The following FRK variants were observed in gnomAD, a reference collection of about 807,000 sequenced individuals.
FRK encodes tyrosine-protein kinase FRK.
In FRK, 51 loss-of-function variants were observed where a neutral mutation model predicts 56.4. The observed-to-expected ratio is 0.90, with a 90% confidence interval of 0.72 to 1.14. The LOEUF (loss-of-function observed/expected upper bound fraction) is 1.14. FRK is among the 50% of genes most tolerant of loss of function. The pLI is 0.00. For synonymous variants in FRK, 245 were observed against 217.9 expected, an observed-to-expected ratio of 1.12 and a Z score of -1.10; for missense variants, 570 against 601.4, an observed-to-expected ratio of 0.95 and a Z score of 0.55.
At chr6:116,088,305 T>C in the FRK span, among the ~76,000 whole-genome samples, 1 of 152,160 alleles carries the variant, frequency 6.6e-6, no homozygotes, top group African/African-American at 2.4e-5. Flanking sequence ...TGAGAAATTA[T>C]AAATTTTCTG....
intron 1 of FRK, among the ~76,000 whole-genome samples, chr6:116,020,989 G>A (rs1775854927): frequency 6.6e-6 from 1 of 152,026 alleles, no homozygotes; most frequent in Non-Finnish European, 1.5e-5. Flanking sequence ...TAAAAAAAAG[G>A]ACTAATAAAA....
chr6:115,934,459 C>G lies in FRK; in HGVS notation c.*7955G>C, dbSNP rs779221696. The G allele has an allele frequency of 6.6e-6, 1 of 152,158 alleles. No homozygotes were observed. Among genetic ancestry groups the G allele is most frequent in the Non-Finnish European group, 1.5e-5 (1 of 68,032 alleles). The allele number at this position is 152,158 out of a possible 1,614,324, so 9.4% of individuals were successfully genotyped here. On this transcript the variant is annotated 3_prime_UTR_variant, in exon 8 of 8. Transcript: ENST00000606080. Reference sequence around the variant, plus strand: ...CTCTTGCCAGATGAGGAGAAGAGAACGCGGAACCCCAGTTTTGCCATTGAT... The same window carrying G: ...CTCTTGCCAGATGAGGAGAAGAGAAGGCGGAACCCCAGTTTTGCCATTGAT...
In FRK at chr6:115,933,521, G is replaced by A. The variant is rs1771992743; in HGVS notation, c.*8893C>T. The stretch of plus-strand genomic sequence containing the variant: ...GAACCTTGAACATAAATGTCCCCAA[G>A]AATCAAACACAGTAAGTTAAACGGG... On this transcript the variant is annotated 3_prime_UTR_variant, in exon 8 of 8. Transcript: ENST00000606080. 1 of 152,106 alleles carries A rather than the reference G, an allele frequency of 6.6e-6. No individual in the cohort carries two copies. The highest frequency in any genetic ancestry group is 2.4e-5 in the African/African-American group (1 of 41,414). 9.4% of individuals were successfully genotyped at this position (152,106 alleles called of 1,614,324 possible).
chr6:116,009,064 A>G (rs1280450134), intron 1 of FRK, among the ~76,000 whole-genome samples: 1 of 152,140 alleles, frequency 6.6e-6, no homozygotes, highest in Admixed American at 6.5e-5. Context: ...AAGGAAAGTG[A>G]CTAACAAAAA....
intron 2 of FRK, among the ~76,000 whole-genome samples, chr6:115,970,020 A>G (rs1479760102): frequency 6.6e-6 from 1 of 152,170 alleles, no homozygotes; most frequent in Non-Finnish European, 1.5e-5. Context: ...TGCTAAATAT[A>G]TAACTTTATG....
At chr6:115,988,744 C>G (rs755249765) in intron 2 of FRK, among the ~76,000 whole-genome samples, 2 of 151,944 alleles carry the variant, frequency 1.3e-5, no homozygotes, top group Non-Finnish European at 2.9e-5. Flanking sequence ...CTTCATTTCA[C>G]ATTATTTTTT....
At position 116,008,586 on chromosome 6, in the gene FRK, T is replaced by C. The variant is rs180683885; in HGVS notation, c.345-4588A>G. On this transcript the variant is annotated intron_variant, in intron 1 of 7. Coordinates refer to ENST00000606080, the MANE Select transcript of FRK (RefSeq NM_002031.3). ...GCTGTGGAGACTGATGGATAAACAA[T>C]AGCTTGTTCTACCCTTTGCATGTGT... Among the ~76,000 whole-genome samples the C allele has an allele frequency of 1.3e-4, 20 of 152,320 alleles. No homozygotes were observed. In the East Asian group the frequency reaches 3.9e-3, roughly 29 times the overall value.
At chr6:115,992,711 A>ATGTC (rs1284337431) in intron 2 of FRK, among the ~76,000 whole-genome samples, 1 of 151,794 alleles carries the variant, frequency 6.6e-6, no homozygotes, top group Non-Finnish European at 1.5e-5. Flanking sequence ...TGCAAGTCTT[A>ATGTC]ATCGTGCAAT....
At chr6:115,954,798 C>T (rs1381530575) in intron 5 of FRK, among the ~76,000 whole-genome samples, 1 of 152,200 alleles carries the variant, frequency 6.6e-6, no homozygotes, top group Non-Finnish European at 1.5e-5. Context: ...AACAGAATTA[C>T]TTCTGTCACT....
intron 2 of FRK, among the ~76,000 whole-genome samples, chr6:115,972,383 G>A (rs567316721): frequency 6.6e-6 from 1 of 152,248 alleles, no homozygotes; most frequent in East Asian, 1.9e-4. Context: ...CCTGAGTCAG[G>A]CACCTGTGTT....
At chr6:116,071,534 G>A in the FRK span, among the ~76,000 whole-genome samples, 28 of 152,058 alleles carry the variant, frequency 1.8e-4, no homozygotes, top group African/African-American at 6.3e-4. Context: ...TGCCCAGTTC[G>A]TATCAGATGC....
At chr6:116,011,487 T>C (rs576204542) in intron 1 of FRK, among the ~76,000 whole-genome samples, 2 of 151,222 alleles carry the variant, frequency 1.3e-5, no homozygotes, top group East Asian at 3.9e-4. Context: ...AAAAAAAACA[T>C]CCTTCCAGAA....
chr6:116,077,992 T>C, the FRK span, among the ~76,000 whole-genome samples: 1 of 152,146 alleles, frequency 6.6e-6, no homozygotes, highest in Non-Finnish European at 1.5e-5. Flanking sequence ...AAACCCCATC[T>C]CTACTAAAAA....
Position 116,004,007 on chromosome 6 carries a change from A to G in FRK, c.345-9T>C, listed in dbSNP as rs1167741514. On this transcript the variant is annotated splice_polypyrimidine_tract_variant and intron_variant, in intron 1 of 7. Transcript: ENST00000606080. ...TTGCTCCAAAGAACCACCTAAAAAG[A>G]GAGATATGTAAATGTTAAGTAACCA... 1 of 1,609,436 alleles carries G rather than the reference A, an allele frequency of 6.2e-7. No individual in the cohort carries two copies.
At chr6:115,957,027 G>A (rs756883479) in intron 4 of FRK, among the ~76,000 whole-genome samples, 8 of 152,134 alleles carry the variant, frequency 5.3e-5, no homozygotes, top group Non-Finnish European at 1.0e-4. Flanking sequence ...GCCCACTGTG[G>A]GAACAGCTGG....
At chr6:115,959,313 G>T (rs537841457) in intron 4 of FRK, among the ~76,000 whole-genome samples, 409 of 151,528 alleles carry the variant, frequency 2.7e-3, no homozygotes, top group Non-Finnish European at 3.9e-3. Context: ...AACTATCGTG[G>T]TTTTTTTTTA....
the FRK span, among the ~76,000 whole-genome samples, chr6:116,100,029 T>C: frequency 2.7e-3 from 409 of 152,358 alleles, 2 homozygotes; most frequent in African/African-American, 8.9e-3. Context: ...GTAGTAGTTA[T>C]ACAGTTCTTG....
At chr6:116,004,341 C>T (rs1167613707) in intron 1 of FRK, among the ~76,000 whole-genome samples, 1 of 151,498 alleles carries the variant, frequency 6.6e-6, no homozygotes, top group African/African-American at 2.4e-5. Flanking sequence ...ATGTCCCAGG[C>T]TCTAAAATGA....
chr6:116,012,829 G>A (rs1435995042), intron 1 of FRK, among the ~76,000 whole-genome samples: 1 of 152,168 alleles, frequency 6.6e-6, no homozygotes, highest in East Asian at 1.9e-4. Context: ...AGTTTCTAAT[G>A]TTAATTGGCC....
Sources: allele counts gnomAD v4.1 joint callset (sites outside exome capture counted in the v4.1 genomes callset), GRCh38; gene constraint gnomAD v4.1.1; transcripts MANE v1.5; gene names NCBI Gene and HGNC (gene_info 2026-07-23, HGNC 2026-07-21).